Variants in UST observed in about 807,000 individuals in gnomAD.
UST encodes the protein uronyl 2-sulfotransferase, also known as chondroitin sulfate 2-O-sulfotransferase.
In UST, 21 loss-of-function variants were observed where a neutral mutation model predicts 45.6. The ratio of observed to expected loss-of-function variants is 0.46; its 90% CI spans 0.33 to 0.66. The LOEUF (loss-of-function observed/expected upper bound fraction) is 0.66, where lower values mean the gene tolerates loss of function less well. Among genes scored for constraint, UST ranks in the 30% least tolerant of loss-of-function variants. UST has a pLI of 0.02. For synonymous variants in UST, 215 were observed against 200.6 expected, an observed-to-expected ratio of 1.07 and a Z score of -0.61; for missense variants, 463 against 512.4, an observed-to-expected ratio of 0.90 and a Z score of 0.93.
chr6:149,042,587 G>C (rs1375319537), intron 7 of UST, among the ~76,000 whole-genome samples: 1 of 152,220 alleles, frequency 6.6e-6, no homozygotes, highest in Non-Finnish European at 1.5e-5. Flanking sequence ...AAAGGAAGGA[G>C]TCATTCATGG....
intron 1 of UST, among the ~76,000 whole-genome samples, chr6:148,804,157 G>C (rs1379359005): frequency 3.3e-5 from 5 of 152,188 alleles, no homozygotes; most frequent in African/African-American, 1.2e-4. Flanking sequence ...TGCAACTCAG[G>C]ACGTGGCTTG....
intron 1 of UST, among the ~76,000 whole-genome samples, chr6:148,875,780 G>C (rs1465023234): frequency 2.0e-5 from 3 of 152,202 alleles, no homozygotes; most frequent in Non-Finnish European, 4.4e-5. Context: ...CTCCCGCTTC[G>C]GCGACACAGC....
intron 1 of UST, among the ~76,000 whole-genome samples, chr6:148,800,803 T>TAA (rs1777045219): frequency 2.0e-5 from 3 of 151,110 alleles, no homozygotes; most frequent in African/African-American, 7.3e-5. Flanking sequence ...TTGGAAAGCT[T>TAA]TTGGAGACAC....
chr6:148,936,618 G>A (rs1440348956), intron 2 of UST, among the ~76,000 whole-genome samples: 1 of 122,976 alleles, frequency 8.1e-6, no homozygotes, highest in Non-Finnish European at 1.6e-5. Flanking sequence ...TTTCCAGAAA[G>A]TGCATTTCAA....
chr6:149,017,179 T>C (rs539637471), intron 5 of UST, among the ~76,000 whole-genome samples: 1 of 152,244 alleles, frequency 6.6e-6, no homozygotes, highest in Admixed American at 6.5e-5. Flanking sequence ...AGATGGAGAC[T>C]ATCGTGGCTA....
chr6:149,019,843 A>G (rs1775953653), intron 6 of UST, among the ~76,000 whole-genome samples: 1 of 152,224 alleles, frequency 6.6e-6, no homozygotes, highest in Non-Finnish European at 1.5e-5. Flanking sequence ...CAGGTCCTGC[A>G]TCAGCACCCC....
At chr6:148,866,676 C>G (rs965720112) in intron 1 of UST, among the ~76,000 whole-genome samples, 4 of 152,186 alleles carry the variant, frequency 2.6e-5, no homozygotes, top group African/African-American at 9.7e-5. Flanking sequence ...TAACTTCATT[C>G]TCTCTTTCCA....
chr6:148,925,558 A>G (rs972392818), intron 2 of UST, among the ~76,000 whole-genome samples: 7 of 152,352 alleles, frequency 4.6e-5, no homozygotes, highest in South Asian at 2.1e-4. Context: ...AAAGGGGGGA[A>G]TATTTCCAAG....
chr6:148,851,760 C>T (rs1388190150), intron 1 of UST, among the ~76,000 whole-genome samples: 1 of 152,206 alleles, frequency 6.6e-6, no homozygotes, highest in Non-Finnish European at 1.5e-5. Flanking sequence ...GCAATTTTTC[C>T]TGAACCTTTG....
intron 1 of UST, among the ~76,000 whole-genome samples, chr6:148,873,657 TCAAAC>T (rs1412682543): frequency 1.3e-5 from 2 of 152,132 alleles, no homozygotes; most frequent in African/African-American, 4.8e-5. Context: ...GCTACTGGTG[TCAAAC>T]CCAGGACCTC....
At chr6:149,070,968 A>G (rs1776810496) in intron 7 of UST, among the ~76,000 whole-genome samples, 1 of 152,048 alleles carries the variant, frequency 6.6e-6, no homozygotes, top group Admixed American at 6.5e-5. Context: ...GGGTTTCACC[A>G]TGTTGGCCTG....
chr6:148,780,714 TCTTTG>T (rs1776627373), intron 1 of UST, among the ~76,000 whole-genome samples: 1 of 152,238 alleles, frequency 6.6e-6, no homozygotes, highest in African/African-American at 2.4e-5. Flanking sequence ...TCATTCTATG[TCTTTG>T]CTATTGTGAA....
intron 1 of UST, among the ~76,000 whole-genome samples, chr6:148,782,145 A>G (rs1465380076): frequency 1.3e-5 from 2 of 150,098 alleles, no homozygotes; most frequent in African/African-American, 4.9e-5. Flanking sequence ...ATAAGGATAT[A>G]GCTGCCATGG....
intron 2 of UST, among the ~76,000 whole-genome samples, chr6:148,921,787 C>T (rs1779712523): frequency 6.6e-6 from 1 of 152,158 alleles, no homozygotes; most frequent in African/African-American, 2.4e-5. Flanking sequence ...TGAAGTGCCA[C>T]TCCCCATGGT....
chr6:148,914,213 T>A (rs1169225004), intron 2 of UST, among the ~76,000 whole-genome samples: 1 of 152,222 alleles, frequency 6.6e-6, no homozygotes, highest in Non-Finnish European at 1.5e-5. Flanking sequence ...TTTCTCTTTT[T>A]TTGCAATATT....
chr6:149,031,833 C>G (rs913161137), intron 7 of UST, among the ~76,000 whole-genome samples: 2 of 152,188 alleles, frequency 1.3e-5, no homozygotes, highest in Non-Finnish European at 2.9e-5. Context: ...GCTGGAAGGC[C>G]GTCACTAACA....
At chr6:149,053,374 G>C (rs1245215341) in intron 7 of UST, among the ~76,000 whole-genome samples, 1 of 152,152 alleles carries the variant, frequency 6.6e-6, no homozygotes, top group Non-Finnish European at 1.5e-5. Context: ...TGTTACTCAT[G>C]AATCCCATCA....
intron 1 of UST, among the ~76,000 whole-genome samples, chr6:148,877,689 A>G (rs114449846): frequency 8.2e-4 from 44 of 53,756 alleles, no homozygotes; most frequent in Middle Eastern, 0.023. Context: ...GCAGGGGGTC[A>G]TGTATGAGTG....
Position 149,019,207 on chromosome 6 carries a change from G to T in UST, c.750G>T (p.Pro250=), listed in dbSNP as rs759955446. The T allele has an allele frequency of 6.2e-7, 1 of 1,613,822 alleles. No homozygotes were observed. Among genetic ancestry groups the T allele is most frequent in the Non-Finnish European group, 8.5e-7 (1 of 1,179,946 alleles). Residue 250 remains proline, a synonymous_variant, in exon 6 of 8, where the codon CCG becomes CCT. Coordinates refer to ENST00000367463, the MANE Select transcript of UST (RefSeq NM_005715.3). ...CSNPRLFYII[P]YFCGQHPRCR... Reference sequence around the variant, plus strand: ...ACCCCAGGTTATTTTACATCATTCCGTACTTTTGTGGACAGCATCCCAGAT... The same window carrying T: ...ACCCCAGGTTATTTTACATCATTCCTTACTTTTGTGGACAGCATCCCAGAT...
Sources: allele counts gnomAD v4.1 joint callset (sites outside exome capture counted in the v4.1 genomes callset), GRCh38; gene constraint gnomAD v4.1.1; transcripts MANE v1.5; gene names NCBI Gene and HGNC (gene_info 2026-07-23, HGNC 2026-07-21).